Variants in TENM4 observed in about 807,000 individuals in gnomAD.
TENM4 encodes the protein teneurin-4.
A neutral mutation model predicts 243.3 loss-of-function variants in TENM4; 82 were observed. That is an observed-to-expected ratio of 0.34 (90% CI 0.28 to 0.40). The LOEUF (loss-of-function observed/expected upper bound fraction) is 0.40, where lower values mean the gene tolerates loss of function less well. Among genes scored for constraint, TENM4 ranks in the 10% least tolerant of loss-of-function variants. TENM4 has a pLI of 1.00. For missense variants in TENM4, 3,138 were observed against 3,673.3 expected, an observed-to-expected ratio of 0.85 and a Z score of 3.77; for synonymous variants, 1,412 against 1,456.3, an observed-to-expected ratio of 0.97 and a Z score of 0.69.
chr11:79,417,051 A>G (rs1471418944), intron 1 of TENM4, among the ~76,000 whole-genome samples: 1 of 152,210 alleles, frequency 6.6e-6, no homozygotes, highest in African/African-American at 2.4e-5. Context: ...AGGGCAAAAC[A>G]GATATCTGGA....
intron 3 of TENM4, among the ~76,000 whole-genome samples, chr11:79,154,602 A>G (rs1393221025): frequency 6.6e-6 from 1 of 152,048 alleles, no homozygotes; most frequent in Non-Finnish European, 1.5e-5. Flanking sequence ...CATCCAAACC[A>G]GGCATCTTTC....
intron 1 of TENM4, among the ~76,000 whole-genome samples, chr11:79,377,973 A>G (rs1857926008): frequency 6.6e-6 from 1 of 152,186 alleles, no homozygotes; most frequent in African/African-American, 2.4e-5. Context: ...TTCCCATAAT[A>G]CAGAGGTCAG....
At chr11:78,858,840 G>C (rs1295698935) in intron 10 of TENM4, among the ~76,000 whole-genome samples, 2 of 152,140 alleles carry the variant, frequency 1.3e-5, no homozygotes, top group Admixed American at 6.5e-5. Context: ...GGTGGAAATA[G>C]CAATAAAGGT....
intron 17 of TENM4, among the ~76,000 whole-genome samples, chr11:78,776,929 T>A (rs747314225): frequency 4.6e-5 from 7 of 152,030 alleles, no homozygotes; most frequent in Non-Finnish European, 1.0e-4. Context: ...ATGGATAAAG[T>A]CAGGAAATGC....
At chr11:79,377,528 C>T (rs1213347259) in intron 1 of TENM4, among the ~76,000 whole-genome samples, 1 of 152,222 alleles carries the variant, frequency 6.6e-6, no homozygotes, top group Non-Finnish European at 1.5e-5. Flanking sequence ...TAACAGTTCG[C>T]ACCTGCAGAG....
chr11:79,309,022 T>C (rs936006205), intron 1 of TENM4, among the ~76,000 whole-genome samples: 2 of 152,002 alleles, frequency 1.3e-5, no homozygotes, highest in African/African-American at 4.8e-5. Flanking sequence ...GCAGAATGCC[T>C]ATAGAGATAA....
intron 10 of TENM4, 111 bp downstream of exon 10, chr11:78,862,851 C>G (rs1006607069): frequency 8.6e-7 from 1 of 1,157,862 alleles, no homozygotes; most frequent in Non-Finnish European, 1.1e-6. Flanking sequence ...GGAGGGAGCG[C>G]CAGAGCATGG....
intron 9 of TENM4, among the ~76,000 whole-genome samples, chr11:78,863,834 T>G (rs1005400128): frequency 6.6e-6 from 1 of 152,214 alleles, no homozygotes; most frequent in Non-Finnish European, 1.5e-5. Flanking sequence ...CTTCCAATTC[T>G]AGAAATTCCT....
At chr11:78,913,857 A>T (rs1856254331) in intron 6 of TENM4, among the ~76,000 whole-genome samples, 1 of 152,128 alleles carries the variant, frequency 6.6e-6, no homozygotes, top group Non-Finnish European at 1.5e-5. Context: ...GAGCTAGTTA[A>T]TGCTTTCCCT....
intron 6 of TENM4, among the ~76,000 whole-genome samples, chr11:79,063,380 G>T (rs888601144): frequency 6.6e-6 from 1 of 152,204 alleles, no homozygotes; most frequent in East Asian, 1.9e-4. Context: ...CCAGCAGGGG[G>T]CACTGGCACC....
chr11:78,859,418 T>G (rs529237465), intron 10 of TENM4, among the ~76,000 whole-genome samples: 14 of 152,338 alleles, frequency 9.2e-5, no homozygotes, highest in African/African-American at 3.4e-4. Context: ...TAATAGTCCT[T>G]TGCTTTGTAA....
At chr11:79,293,775 C>T (rs1173469049) in intron 2 of TENM4, among the ~76,000 whole-genome samples, 2 of 152,176 alleles carry the variant, frequency 1.3e-5, no homozygotes, top group African/African-American at 2.4e-5. Flanking sequence ...ATGGCTTACC[C>T]GGTTTGGACC....
intron 2 of TENM4, among the ~76,000 whole-genome samples, chr11:79,228,640 G>A (rs11237770): frequency 0.13 from 19,805 of 151,590 alleles, 1,981 homozygotes; most frequent in African/African-American, 0.27. Context: ...AGTCCTTTCT[G>A]GAGACGAAAA....
intron 6 of TENM4, among the ~76,000 whole-genome samples, chr11:78,930,451 C>T (rs1856643323): frequency 6.6e-6 from 1 of 152,128 alleles, no homozygotes; most frequent in African/African-American, 2.4e-5. Context: ...ATAGGCAGGT[C>T]CCTCCACCTG....
At chr11:78,719,885 G>C (rs908494510) in intron 25 of TENM4, among the ~76,000 whole-genome samples, 25 of 152,194 alleles carry the variant, frequency 1.6e-4, no homozygotes, top group Non-Finnish European at 1.5e-5. Context: ...CTTTCTCACT[G>C]ATGGCAAGCC....
chr11:78,747,278 G>T (rs963214524), intron 19 of TENM4, among the ~76,000 whole-genome samples: 1 of 152,222 alleles, frequency 6.6e-6, no homozygotes, highest in South Asian at 2.1e-4. Context: ...TGGCAGGGAT[G>T]GGAGCCTGTC....
At chr11:79,387,824 G>T (rs963316358) in intron 1 of TENM4, among the ~76,000 whole-genome samples, 2 of 152,132 alleles carry the variant, frequency 1.3e-5, no homozygotes, top group Non-Finnish European at 2.9e-5. Context: ...GGGCAACATG[G>T]TGAAACTCCA....
At chr11:78,973,567 A>C (rs973911255) in intron 6 of TENM4, among the ~76,000 whole-genome samples, 1 of 152,020 alleles carries the variant, frequency 6.6e-6, no homozygotes, top group Non-Finnish European at 1.5e-5. Flanking sequence ...TTTTTCCCCA[A>C]GAATTTGTTT....
At chr11:78,814,643 T>G (rs1001320951) in intron 12 of TENM4, among the ~76,000 whole-genome samples, 1 of 152,230 alleles carries the variant, frequency 6.6e-6, no homozygotes, top group African/African-American at 2.4e-5. Flanking sequence ...CAAATTTGTA[T>G]CTACAAACAC....
Sources: gnomAD v4.1 joint callset for allele counts (sites outside exome capture counted in the v4.1 genomes callset) on GRCh38, gnomAD v4.1.1 for gene constraint, MANE v1.5 for transcripts, NCBI Gene and HGNC (gene_info 2026-07-23, HGNC 2026-07-21) for gene names.